BRWD1: variants seen among roughly 807,000 people sequenced by gnomAD.
BRWD1 encodes the protein bromodomain and WD repeat-containing protein 1.
BRWD1 carries 82 observed loss-of-function variants against 251.2 expected under a neutral mutation model. That is an observed-to-expected ratio of 0.33 (90% CI 0.27 to 0.39). The LOEUF (loss-of-function observed/expected upper bound fraction) is 0.39, where lower values mean the gene tolerates loss of function less well. Among genes scored for constraint, BRWD1 ranks in the 10% least tolerant of loss-of-function variants. The probability of loss-of-function intolerance (pLI) is 1.00; values close to 1 mark genes in which losing one functional copy is unlikely to be tolerated. For synonymous variants in BRWD1, 918 were observed against 902.8 expected (o/e 1.02, Z -0.30); for missense variants, 2,233 against 2,711.6 (o/e 0.82, Z 3.92).
chr21:39,209,771 G>A (rs2146492174), intron 36 of BRWD1: 1 of 373,922 alleles, frequency 2.7e-6, no homozygotes, highest in Non-Finnish European at 4.7e-6. Context: ...TATAAAATTT[G>A]AGGAGATTAT....
At chr21:39,253,139 A>C (rs1443629890) in intron 19 of BRWD1, among the ~76,000 whole-genome samples, 1 of 152,010 alleles carries the variant, frequency 6.6e-6, no homozygotes, top group African/African-American at 2.4e-5. Flanking sequence ...AAAATACAAA[A>C]TTAGCCGGGT....
rs182640894 is a variant in BRWD1 at position 39,215,407 on chromosome 21, T to C, written c.3660-45A>G. Reference sequence around the variant, plus strand: ...ATTTAGGGCTTAGAAAATGAGAAGATAGAAACCAAGTGAAAAAATGCAGCA... The same window carrying C: ...ATTTAGGGCTTAGAAAATGAGAAGACAGAAACCAAGTGAAAAAATGCAGCA... On this transcript the variant is annotated intron_variant, in intron 31 of 40. Coordinates refer to ENST00000342449, the MANE Select transcript of BRWD1 (RefSeq NM_033656.4). The C allele has an allele frequency of 9.2e-5, 144 of 1,559,588 alleles. No individual in the cohort carries two copies. The East Asian group carries it at 2.1e-3, about 23-fold the overall frequency.
chr21:39,279,662 AAAAAAAG>A (rs1568945546), intron 9 of BRWD1, among the ~76,000 whole-genome samples: 3 of 89,012 alleles, frequency 3.4e-5, no homozygotes, highest in Non-Finnish European at 6.7e-5. Context: ...AAAAAGAAAA[AAAAAAAG>A]AAAACGAAAA....
intron 4 of BRWD1, among the ~76,000 whole-genome samples, chr21:39,309,219 T>C (rs968857840): frequency 4.0e-5 from 6 of 151,046 alleles, no homozygotes; most frequent in African/African-American, 1.5e-4. Flanking sequence ...GGCTCACACC[T>C]GTAATTCCAA....
At chr21:39,216,367 A>T (rs1023761913) in intron 31 of BRWD1, among the ~76,000 whole-genome samples, 7 of 152,114 alleles carry the variant, frequency 4.6e-5, no homozygotes, top group Non-Finnish European at 7.3e-5. Flanking sequence ...AAGAAAAAAA[A>T]TAAAGTTATC....
chr21:39,310,267 G>C (rs2036436616), intron 4 of BRWD1, among the ~76,000 whole-genome samples: 1 of 152,210 alleles, frequency 6.6e-6, no homozygotes, highest in South Asian at 2.1e-4. Context: ...TGTAATCCCA[G>C]CACTTTGGGA....
chr21:39,238,284 T>TAA (rs2033878356), intron 22 of BRWD1, among the ~76,000 whole-genome samples, 195 bp downstream of exon 22: 3 of 39,662 alleles, frequency 7.6e-5, no homozygotes, highest in African/African-American at 3.1e-4. Context: ...CTGCTTAAAG[T>TAA]CAAAAAAAAA....
intron 13 of BRWD1, among the ~76,000 whole-genome samples, chr21:39,272,458 C>G (rs2035147797): frequency 6.6e-6 from 1 of 151,506 alleles, no homozygotes; most frequent in African/African-American, 2.4e-5. Context: ...ACCCAGGAGG[C>G]AGGGCTTGCA....
At chr21:39,284,670 ATAAT>A (rs1221830949) in intron 8 of BRWD1, among the ~76,000 whole-genome samples, 1 of 152,106 alleles carries the variant, frequency 6.6e-6, no homozygotes, top group East Asian at 1.9e-4. Context: ...CATTTTCCTG[ATAAT>A]TAGTGATGTT....
intron 21 of BRWD1, among the ~76,000 whole-genome samples, chr21:39,244,520 C>G (rs1183006837): frequency 6.6e-6 from 1 of 152,142 alleles, no homozygotes; most frequent in Non-Finnish European, 1.5e-5. Context: ...AGAATAGTGC[C>G]TCCCAGGCAT....
At position 39,189,308 on chromosome 21, in the gene BRWD1, A is replaced by G. The variant is rs996399703; in HGVS notation, c.*6951T>C. 2.0e-6 allele frequency: 2 copies of G among 984,898 alleles called. No homozygotes were observed. Among genetic ancestry groups the G allele is most frequent in the Non-Finnish European group, 2.4e-6 (2 of 829,556 alleles). The allele number at this position is 984,898 out of a possible 1,614,324, so 61.0% of individuals were successfully genotyped here. On this transcript the variant is annotated 3_prime_UTR_variant, in exon 41 of 41. Transcript: ENST00000342449. ...CTATTCATCCAGACAAATAGATAAAATTCTATTTCAACTACAATTTGTAAC... is the reference window on the plus strand; with the variant it reads ...CTATTCATCCAGACAAATAGATAAAGTTCTATTTCAACTACAATTTGTAAC...
chr21:39,210,940 A>G lies in BRWD1; in HGVS notation c.3901-11T>C. ...TTTCCCATCATGGACCTAAAAATAC[A>G]TTCACAGTCTTAAGAAAAATCACAC... On this transcript the variant is annotated splice_polypyrimidine_tract_variant and intron_variant, in intron 34 of 40. Coordinates refer to ENST00000342449, the MANE Select transcript of BRWD1 (RefSeq NM_033656.4). The G allele has an allele frequency of 6.2e-7, 1 of 1,607,582 alleles. No homozygotes were observed. Among genetic ancestry groups the G allele is most frequent in the Non-Finnish European group, 8.5e-7 (1 of 1,178,286 alleles).
At chr21:39,259,853 T>C (rs919932920) in intron 17 of BRWD1, among the ~76,000 whole-genome samples, 2 of 151,462 alleles carry the variant, frequency 1.3e-5, no homozygotes, top group African/African-American at 4.9e-5. Flanking sequence ...AATAAATAAA[T>C]AAAATTAAAA....
At position 39,188,345 on chromosome 21, in the gene BRWD1, C is replaced by G. The variant is rs2031360199; in HGVS notation, c.*7914G>C. The G allele has an allele frequency of 1.0e-6, 1 of 985,340 alleles. No homozygotes were observed. The highest frequency in any genetic ancestry group is 1.1e-4 in the East Asian group (1 of 8,798). 61.0% of individuals were successfully genotyped at this position (985,340 alleles called of 1,614,324 possible). A position where few individuals can be genotyped will look rare whatever the true frequency, so the allele number is the denominator to read the frequency against. ...CTGAAGTTTCCAGACATTTAGCATT[C>G]AAAAGGTAAGGCTGTAGATCACTGA... On this transcript the variant is annotated 3_prime_UTR_variant, in exon 41 of 41. Transcript: ENST00000342449.
At chr21:39,287,918 C>A (rs370698222) in intron 8 of BRWD1, among the ~76,000 whole-genome samples, 1 of 152,164 alleles carries the variant, frequency 6.6e-6, no homozygotes, top group Non-Finnish European at 1.5e-5. Flanking sequence ...AAACAACTTA[C>A]CCCAAAATTT....
rs2035579516 is a variant in BRWD1, at chr21:39,284,744, C to G, written c.832-4496G>C. 1.3e-5 allele frequency among the ~76,000 whole-genome samples: 2 copies of G among 152,194 alleles called. 1 individual carries two copies. The highest frequency in any genetic ancestry group is 1.3e-4 in the Admixed American group (2 of 15,276). On this transcript the variant is annotated intron_variant, in intron 8 of 40. Coordinates refer to ENST00000342449, the MANE Select transcript of BRWD1 (RefSeq NM_033656.4). ...TGTGTTCTTTTTAGAAATGTCTACG[C>G]AGGTCTTTTGCCCATTTTTTAACTG...
chr21:39,222,344 A>G (rs575295782), intron 29 of BRWD1, among the ~76,000 whole-genome samples: 1 of 152,364 alleles, frequency 6.6e-6, no homozygotes, highest in Non-Finnish European at 1.5e-5. Flanking sequence ...TGATTCATCA[A>G]TAACAAGAAA....
At chr21:39,211,044 C>G in intron 34 of BRWD1, 115 bp from the exon 35 acceptor site, 1 of 1,057,726 alleles carries the variant, frequency 9.5e-7, no homozygotes, top group Non-Finnish European at 1.3e-6. Flanking sequence ...ATATGTTGCT[C>G]TCAACACATT....
chr21:39,307,437 T>C (rs2036323459), intron 4 of BRWD1, among the ~76,000 whole-genome samples: 1 of 152,090 alleles, frequency 6.6e-6, no homozygotes, highest in Admixed American at 6.5e-5. Flanking sequence ...CAATGTATTA[T>C]ATGTATATAT....
Sources: gnomAD v4.1 joint callset for allele counts (sites outside exome capture counted in the v4.1 genomes callset) on GRCh38, gnomAD v4.1.1 for gene constraint, MANE v1.5 for transcripts, NCBI Gene and HGNC (gene_info 2026-07-23, HGNC 2026-07-21) for gene names.